Variants in RSPH1 observed in about 807,000 individuals in gnomAD.
The protein encoded by RSPH1 is radial spoke head component 1, also known as radial spoke head 1 homolog.
A neutral mutation model predicts 44.2 loss-of-function variants in RSPH1; 32 were observed. The observed-to-expected ratio is 0.72, with a 90% CI of 0.55 to 0.97. The LOEUF is 0.97. Ranked by LOEUF, RSPH1 falls within the 50% of genes least tolerant of loss-of-function variation. RSPH1 has a pLI of 0.00. For synonymous variants in RSPH1, 134 were observed against 147.3 expected (o/e 0.91, Z 0.65); for missense variants, 391 against 398.7 (o/e 0.98, Z 0.16).
At chr21:42,491,125 T>G (rs1356559488) in intron 3 of RSPH1, among the ~76,000 whole-genome samples, 1 of 152,216 alleles carries the variant, frequency 6.6e-6, no homozygotes, top group African/African-American at 2.4e-5. Context: ...TGAGCCGCTA[T>G]GGCACATTAT....
rs374412665 is a variant in RSPH1 at position 42,480,615 on chromosome 21, G to C, written c.573+2022C>G. Reference sequence around the variant, plus strand: ...AGATCACGCCATTGCACTCCAGCCTGGGCAACAAGAGCGAAACTCCATCTC... The same window carrying C: ...AGATCACGCCATTGCACTCCAGCCTCGGCAACAAGAGCGAAACTCCATCTC... On this transcript the variant is annotated intron_variant, in intron 6 of 8. Transcript: ENST00000291536. 1.0e-3 allele frequency among the ~76,000 whole-genome samples: 143 copies of C among 140,762 alleles called. 3 individuals carry two copies. The highest frequency in any genetic ancestry group is 3.5e-3 in the African/African-American group (130 of 36,640). The allele number at this position is 140,762 out of a possible 152,430, so 92.3% of individuals were successfully genotyped here. A position where few individuals can be genotyped will look rare whatever the true frequency, so the allele number is the denominator to read the frequency against.
chr21:42,481,283 C>T (rs1022037131), intron 6 of RSPH1, among the ~76,000 whole-genome samples: 4 of 152,148 alleles, frequency 2.6e-5, no homozygotes, highest in Non-Finnish European at 4.4e-5. Context: ...CCTTCACCTT[C>T]CATCATGAGT....
At chr21:42,486,285 G>T in intron 4 of RSPH1, 86 bp downstream of exon 4, 1 of 1,016,656 alleles carries the variant, frequency 9.8e-7, no homozygotes, top group Non-Finnish European at 1.6e-6. Flanking sequence ...TTATGATTCT[G>T]TTCCTCAGTA....
Position 42,492,909 on chromosome 21 carries a change from A to G in RSPH1, c.169-46T>C, listed in dbSNP as rs761769433. 3.2e-6 allele frequency: 5 copies of G among 1,585,138 alleles called. No homozygotes were observed. The South Asian group carries it at 5.5e-5, about 18-fold the overall frequency. On this transcript the variant is annotated intron_variant, in intron 2 of 8. Coordinates refer to ENST00000291536, the MANE Select transcript of RSPH1 (RefSeq NM_080860.4). The stretch of plus-strand genomic sequence containing the variant: ...CATTCATATCATTGCTGAATGTAGC[A>G]TTTGCTAACAGAGTATTAAATAGAG...
intron 1 of RSPH1, chr21:42,495,874 C>T: frequency 2.0e-6 from 1 of 508,572 alleles, no homozygotes; most frequent in Non-Finnish European, 3.6e-6. Flanking sequence ...GAAATCTTTG[C>T]CTTTAATGGG....
chr21:42,482,085 T>G (rs1050646040), intron 6 of RSPH1, among the ~76,000 whole-genome samples: 5 of 152,040 alleles, frequency 3.3e-5, no homozygotes, highest in South Asian at 4.1e-4. Flanking sequence ...TTATTGGTTG[T>G]TTGTTTGTTT....
intron 6 of RSPH1, among the ~76,000 whole-genome samples, chr21:42,480,698 T>C (rs2054118689): frequency 6.8e-6 from 1 of 147,284 alleles, no homozygotes; most frequent in Admixed American, 6.7e-5. Context: ...AGCATTGAAT[T>C]GAAAAATTAG....
rs538060939 is a variant in RSPH1, at chr21:42,474,110, C to A, written c.878-1240G>T. 6.6e-5 allele frequency among the ~76,000 whole-genome samples: 10 copies of A among 152,300 alleles called. No individual in the cohort carries two copies. The highest frequency in any genetic ancestry group is 4.6e-4 in the Admixed American group (7 of 15,302). ...CCTCCTGCCTTGCCTGGCTCCAGGG[C>A]ACCCATCCTCATTGCCCCAGAGAAG... On this transcript the variant is annotated intron_variant, in intron 8 of 8. Transcript: ENST00000291536. The surrounding 1 kb of genome is among the most constrained non-coding windows in gnomAD (Gnocchi z 5.2).
At chr21:42,495,637 A>G (rs1031450781) in intron 1 of RSPH1, among the ~76,000 whole-genome samples, 4 of 152,340 alleles carry the variant, frequency 2.6e-5, no homozygotes, top group Admixed American at 2.6e-4. Flanking sequence ...CTATAAGGTA[A>G]TATCTTCAGG....
chr21:42,486,741 G>A (rs2054184762), intron 3 of RSPH1, among the ~76,000 whole-genome samples: 1 of 152,268 alleles, frequency 6.6e-6, no homozygotes, highest in South Asian at 2.1e-4. Flanking sequence ...GGCTAAGAGA[G>A]GGCTGAGTCA....
chr21:42,489,727 T>A lies in RSPH1; in HGVS notation c.274+3031A>T, dbSNP rs115438691. Among the ~76,000 whole-genome samples the A allele has an allele frequency of 8.3e-3, 1,263 of 152,286 alleles. 23 individuals carry two copies. The highest frequency in any genetic ancestry group is 0.028 in the African/African-American group (1,176 of 41,544). On this transcript the variant is annotated intron_variant, in intron 3 of 8. Coordinates refer to ENST00000291536, the MANE Select transcript of RSPH1 (RefSeq NM_080860.4). Reference sequence around the variant, plus strand: ...AATCGCTGAAATATGGTTTTACAGATGCAGAACCTGAAAAGCAGAGAGACT... The same window carrying A: ...AATCGCTGAAATATGGTTTTACAGAAGCAGAACCTGAAAAGCAGAGAGACT...
chr21:42,477,103 C>T (rs557044914), intron 7 of RSPH1, among the ~76,000 whole-genome samples, 188 bp downstream of exon 7: 43 of 143,366 alleles, frequency 3.0e-4, no homozygotes, highest in African/African-American at 1.0e-3. Context: ...ACCCTCTGCC[C>T]CCTCCACTCC....
At position 42,485,494 on chromosome 21, in the gene RSPH1, G is replaced by T. The variant is rs1176222420; in HGVS notation, c.501+175C>A. 5.9e-6 allele frequency: 4 copies of T among 677,350 alleles called. No homozygotes were observed. The African/African-American group carries it at 7.2e-5, about 12-fold the overall frequency. The allele number at this position is 677,350 out of a possible 1,614,324, so 42.0% of individuals were successfully genotyped here. On this transcript the variant is annotated intron_variant, in intron 5 of 8. Transcript: ENST00000291536. ...AATCCCTCCCTTCCCCCAATTCTGT[G>T]CTCTGTGGGTACCAGAGGCTCAGAG...
chr21:42,477,494 T>C (rs1337503239), intron 6 of RSPH1, 50 bp from the exon 7 acceptor site: 9 of 1,592,056 alleles, frequency 5.7e-6, no homozygotes, highest in Admixed American at 1.7e-5. Flanking sequence ...GTCATCTTGG[T>C]CTGGAATATT....
chr21:42,484,937 T>C (rs1465826856), intron 5 of RSPH1: 2 of 152,142 alleles, frequency 1.3e-5, no homozygotes, highest in Non-Finnish European at 2.9e-5. Context: ...GAGACTTCGT[T>C]GTATCAGCTA....
intron 8 of RSPH1, among the ~76,000 whole-genome samples, chr21:42,473,537 G>A (rs1030483727): frequency 2.0e-5 from 3 of 148,942 alleles, no homozygotes; most frequent in Admixed American, 6.7e-5. Flanking sequence ...CTTATAAGAC[G>A]CTATATTTAA....
chr21:42,479,458 G>A (rs2054103961), intron 6 of RSPH1, among the ~76,000 whole-genome samples: 1 of 152,156 alleles, frequency 6.6e-6, no homozygotes, highest in Non-Finnish European at 1.5e-5. Flanking sequence ...ACTTTTTCCA[G>A]TAGAGTCTAA....
intron 1 of RSPH1, among the ~76,000 whole-genome samples, chr21:42,493,393 T>A (rs1193785789): frequency 6.6e-6 from 1 of 152,184 alleles, no homozygotes; most frequent in African/African-American, 2.4e-5. Flanking sequence ...TTGTGAAAAA[T>A]GCTAGATACT....
At chr21:42,480,968 C>T (rs964089957) in intron 6 of RSPH1, among the ~76,000 whole-genome samples, 1 of 152,066 alleles carries the variant, frequency 6.6e-6, no homozygotes, top group Non-Finnish European at 1.5e-5. Context: ...AAGGGCTTGA[C>T]GAGGGACACA....
Sources: allele counts gnomAD v4.1 joint callset (sites outside exome capture counted in the v4.1 genomes callset), GRCh38; gene constraint gnomAD v4.1.1; non-coding constraint Gnocchi (gnomAD v3.1); transcripts MANE v1.5; gene names NCBI Gene and HGNC (gene_info 2026-07-23, HGNC 2026-07-21).